TBKBP1: variants seen among roughly 807,000 people sequenced by gnomAD.
TBKBP1 encodes TANK-binding kinase 1-binding protein 1.
A neutral mutation model predicts 69.9 loss-of-function variants in TBKBP1; 47 were observed. The observed-to-expected ratio is 0.67, with a 90% CI of 0.53 to 0.86. TBKBP1 has a LOEUF of 0.86. Among genes scored for constraint, TBKBP1 ranks in the 40% least tolerant of loss-of-function variants. The pLI, the probability that TBKBP1 is intolerant of heterozygous loss-of-function variation, is 0.00. For synonymous variants in TBKBP1, 418 were observed against 390.3 expected (o/e 1.07, Z -0.84); for missense variants, 831 against 858.6 (o/e 0.97, Z 0.40).
At position 47,709,065 on chromosome 17, in the gene TBKBP1, C is replaced by T. The variant is rs985415374; in HGVS notation, c.1332C>T (p.Tyr444=). The T allele has an allele frequency of 7.0e-5, 94 of 1,346,434 alleles. No individual in the cohort carries two copies. In the African/African-American group the frequency reaches 1.2e-3, roughly 17 times the overall value. The allele number at this position is 1,346,434 out of a possible 1,614,324, so 83.4% of individuals were successfully genotyped here. A position where few individuals can be genotyped will look rare whatever the true frequency, so the allele number is the denominator to read the frequency against. ...PGERTLAERA[Y]AKPPSHHVKA... is the part of the protein sequence containing the mutation. ...AGAGGACGCTGGCCGAGCGCGCCTACGCCAAGCCGCCCAGCCACCACGTGA... is the reference window on the plus strand; with the variant it reads ...AGAGGACGCTGGCCGAGCGCGCCTATGCCAAGCCGCCCAGCCACCACGTGA... The change falls in exon 9 of 10, where the codon TAC becomes TAT. Residue 444 remains tyrosine (Y), a synonymous_variant. Coordinates refer to ENST00000578982, the MANE Select transcript of TBKBP1 (RefSeq NM_001394755.1).
At position 47,710,444 on chromosome 17, in the gene TBKBP1, G is replaced by T. The variant is rs929949316; in HGVS notation, c.1720-54G>T. The T allele has an allele frequency of 7.3e-5, 115 of 1,576,986 alleles. 1 individual carries two copies. In the Admixed American group the frequency reaches 1.9e-3, roughly 27 times the overall value. ...CCTGGGACAGGGCAGGCTGGGATGT[G>T]GGGACCATGGGTGGGGGCTGGGGAC... On this transcript the variant is annotated intron_variant, in intron 9 of 9. Coordinates refer to ENST00000578982, the MANE Select transcript of TBKBP1 (RefSeq NM_001394755.1).
In TBKBP1 at chr17:47,709,026, G is replaced by GC; in HGVS notation, c.1298dup (p.Pro434AlafsTer31). ...CCCCGCAGCCCCGGCCACCGCCGCC[G>GC]CCCCCGCCGGGCGAGAGGACGCTGG... On this transcript the variant is annotated frameshift_variant, in exon 9 of 10. Transcript: ENST00000578982. LOFTEE classifies it high-confidence loss of function. 1 of 1,226,346 alleles carries GC rather than the reference G, an allele frequency of 8.2e-7. No individual in the cohort carries two copies. 76.0% of individuals were successfully genotyped at this position (1,226,346 alleles called of 1,614,324 possible).
chr17:47,710,570 C>A lies in TBKBP1; in HGVS notation c.1792C>A (p.Pro598Thr). 1 of 1,612,450 alleles carries A rather than the reference C, an allele frequency of 6.2e-7. No individual in the cohort carries two copies. The highest frequency in any genetic ancestry group is 8.5e-7 in the Non-Finnish European group (1 of 1,179,008). The change falls in exon 10 of 10, where the codon CCG becomes ACG. Residue 598 changes from proline to threonine, a missense_variant. Transcript: ENST00000578982. ...LCQLGFPVGY[P>T]DDALIKHIDS... ...CCAGCTGGGTTTCCCTGTCGGGTAC[C>A]CGGATGATGCCCTCATCAAACACAT...
At position 47,708,778 on chromosome 17, in the gene TBKBP1, T is replaced by TGG; in HGVS notation, c.1045_1046insGG (p.Ser349TrpfsTer105). 1 of 285,244 alleles carries TGG rather than the reference T, an allele frequency of 3.5e-6. No homozygotes were observed. The highest frequency in any genetic ancestry group is 5.9e-6 in the Non-Finnish European group (1 of 170,468). The allele number at this position is 285,244 out of a possible 1,614,324, so 17.7% of individuals were successfully genotyped here. A position where few individuals can be genotyped will look rare whatever the true frequency, so the allele number is the denominator to read the frequency against. On this transcript the variant is annotated frameshift_variant, in exon 9 of 10. Transcript: ENST00000578982. LOFTEE classifies it high-confidence loss of function. The surrounding 1 kb of genome is among the most constrained non-coding windows in gnomAD (Gnocchi z 4.4). ...CCACTCCCCGGCCCCCCAGTGCCCC[T>TGG]CCCCCTCCCCGCCTGCCCGAGCGGC...
chr17:47,700,138 C>T (rs907883039), intron 7 of TBKBP1, among the ~76,000 whole-genome samples: 1 of 151,624 alleles, frequency 6.6e-6, no homozygotes, highest in African/African-American at 2.4e-5. Context: ...AGGCGCTCGC[C>T]ACTACGCCTG....
At chr17:47,695,252 A>T (rs1418620075) in intron 1 of TBKBP1, 1 of 153,012 alleles carries the variant, frequency 6.5e-6, no homozygotes, top group East Asian at 1.9e-4. Flanking sequence ...ACACACATTC[A>T]TAACCAGGCC....
At chr17:47,709,574 C>A in intron 9 of TBKBP1, 122 bp downstream of exon 9, 1 of 1,339,604 alleles carries the variant, frequency 7.5e-7, no homozygotes. Flanking sequence ...TATTCACCCT[C>A]CTTGGACCCC....
intron 7 of TBKBP1, 47 bp downstream of exon 7, chr17:47,699,744 C>T (rs767244665): frequency 1.2e-6 from 2 of 1,608,388 alleles, no homozygotes; most frequent in East Asian, 4.5e-5. Context: ...TTTGGGAGAC[C>T]TCCCCTCCCA....
Position 47,709,148 on chromosome 17 carries a change from C to T in TBKBP1, c.1415C>T (p.Ala472Val), listed in dbSNP as rs766926398. ...GAGCTGGCGGAGGGCGCGGCCTACG[C>T]GGGCGCCTCCCCGCCCTGGCTGCAG... is the stretch of plus-strand genomic sequence containing the variant. ...YSELAEGAAYAGASPPWLQAE... is the reference protein window; with the variant it reads ...YSELAEGAAYVGASPPWLQAE... Residue 472 changes from alanine to valine, a missense_variant, in exon 9 of 10, where the codon GCG becomes GTG. Coordinates refer to ENST00000578982, the MANE Select transcript of TBKBP1 (RefSeq NM_001394755.1). The T allele has an allele frequency of 5.7e-6, 8 of 1,403,618 alleles. No homozygotes were observed. The highest frequency in any genetic ancestry group is 7.3e-6 in the Non-Finnish European group (8 of 1,088,476). The allele number at this position is 1,403,618 out of a possible 1,614,324, so 86.9% of individuals were successfully genotyped here.
At chr17:47,706,431 C>T (rs1403595411) in intron 7 of TBKBP1, among the ~76,000 whole-genome samples, 1 of 152,082 alleles carries the variant, frequency 6.6e-6, no homozygotes, top group Non-Finnish European at 1.5e-5. Context: ...TCCCACAGAC[C>T]CATGAGCTGA....
chr17:47,710,264 C>T (rs2031875985), intron 9 of TBKBP1, among the ~76,000 whole-genome samples: 1 of 152,182 alleles, frequency 6.6e-6, no homozygotes, highest in Non-Finnish European at 1.5e-5. Flanking sequence ...ACCACAGATG[C>T]CCTGGCAAGC....
At position 47,708,525 on chromosome 17, in the gene TBKBP1, A is replaced by G. The variant is rs1427912558; in HGVS notation, c.991+13A>G. ...GCCCGGAGTGGCGGTGAGATGGGGC[A>G]GGGCAGGGGGAGGCAGCCGCGGGAC... On this transcript the variant is annotated intron_variant, in intron 8 of 9. Coordinates refer to ENST00000578982, the MANE Select transcript of TBKBP1 (RefSeq NM_001394755.1). The surrounding 1 kb of genome is among the most constrained non-coding windows in gnomAD (Gnocchi z 4.4). 2.5e-6 allele frequency: 4 copies of G among 1,612,940 alleles called. No individual in the cohort carries two copies. The highest frequency in any genetic ancestry group is 1.3e-5 in the African/African-American group (1 of 74,984).
rs561984811 is a variant in TBKBP1, at chr17:47,706,885, G to A, written c.873-1509G>A. The stretch of plus-strand genomic sequence containing the variant: ...CACACACACACGCACACACCCCTAC[G>A]CTCATTCACGCCTTTCCTCATTCAT... On this transcript the variant is annotated intron_variant, in intron 7 of 9. Transcript: ENST00000578982. Among the ~76,000 whole-genome samples the A allele has an allele frequency of 1.5e-3, 202 of 133,618 alleles. 4 individuals carry two copies. Among genetic ancestry groups the A allele is most frequent in the Admixed American group, 0.011 (147 of 13,774 alleles). 87.7% of individuals were successfully genotyped at this position (133,618 alleles called of 152,430 possible).
At chr17:47,696,375 T>TGGGATG in intron 2 of TBKBP1, 38 bp downstream of exon 2, 1 of 1,595,100 alleles carries the variant, frequency 6.3e-7, no homozygotes, top group East Asian at 2.2e-5. Context: ...ATAGAGTGTA[T>TGGGATG]GGGATGGGGA....
At chr17:47,710,350 G>C in intron 9 of TBKBP1, 148 bp from the exon 10 acceptor site, 1 of 1,054,168 alleles carries the variant, frequency 9.5e-7, no homozygotes, top group East Asian at 2.6e-5. Context: ...AGCTGGTGTG[G>C]GGGAGGACGG....
intron 7 of TBKBP1, among the ~76,000 whole-genome samples, chr17:47,706,329 C>T (rs1442436528): frequency 6.6e-6 from 1 of 152,160 alleles, no homozygotes; most frequent in Non-Finnish European, 1.5e-5. Context: ...CAGATGTCCT[C>T]AGTCTGAAGG....
At chr17:47,695,029 G>T (rs1051852002) in intron 1 of TBKBP1, among the ~76,000 whole-genome samples, 15 of 152,204 alleles carry the variant, frequency 9.9e-5, no homozygotes, top group African/African-American at 2.6e-4. Context: ...ACGCTCCAGC[G>T]CGCGCACACA....
chr17:47,697,269 G>A (rs938627573), intron 4 of TBKBP1, 76 bp downstream of exon 4: 2 of 1,311,166 alleles, frequency 1.5e-6, no homozygotes, highest in Admixed American at 4.0e-5. Context: ...TTAGTTCTGT[G>A]TGTGAGGATT....
intron 2 of TBKBP1, 130 bp from the exon 3 acceptor site, chr17:47,696,581 G>T: frequency 7.0e-7 from 1 of 1,427,926 alleles, no homozygotes; most frequent in Non-Finnish European, 9.6e-7. Flanking sequence ...CATGGGAATT[G>T]GGATCCCACT....
Sources: gnomAD v4.1 joint callset for allele counts (sites outside exome capture counted in the v4.1 genomes callset) on GRCh38, gnomAD v4.1.1 for gene constraint, Gnocchi (gnomAD v3.1) non-coding constraint, MANE v1.5 for transcripts, NCBI Gene and HGNC (gene_info 2026-07-23, HGNC 2026-07-21) for gene names.